Variants in IL1RL1 observed in about 807,000 individuals in gnomAD.
The protein encoded by IL1RL1 is interleukin-1 receptor-like 1.
In IL1RL1, 32 loss-of-function variants were observed where a neutral mutation model predicts 50.9. That is an observed-to-expected ratio of 0.63 (90% CI 0.47 to 0.84). The LOEUF is 0.84. Among genes scored for constraint, IL1RL1 ranks in the 40% least tolerant of loss-of-function variants. IL1RL1 has a pLI of 0.00. For synonymous variants in IL1RL1, 275 were observed against 236.0 expected, an observed-to-expected ratio of 1.17 and a Z score of -1.51; for missense variants, 773 against 662.9, an observed-to-expected ratio of 1.17 and a Z score of -1.82.
intron 1 of IL1RL1, among the ~76,000 whole-genome samples, 171 bp downstream of exon 1, chr2:102,311,794 C>T (rs1481716589): frequency 2.8e-4 from 24 of 87,130 alleles, no homozygotes; most frequent in Non-Finnish European, 4.8e-4. Context: ...AACATTATAA[C>T]AATTATATAT....
intron 1 of IL1RL1, among the ~76,000 whole-genome samples, chr2:102,323,066 A>T (rs1044711203): frequency 2.2e-4 from 33 of 152,120 alleles, no homozygotes; most frequent in African/African-American, 7.2e-4. Context: ...AGTTTACATT[A>T]AAAAAAGGAT....
chr2:102,335,962 A>C (rs1387741768), intron 1 of IL1RL1, among the ~76,000 whole-genome samples: 2 of 152,182 alleles, frequency 1.3e-5, no homozygotes, highest in African/African-American at 4.8e-5. Flanking sequence ...TTTACGGCGA[A>C]CATCTCATGG....
chr2:102,347,634 C>A (rs994814922), intron 8 of IL1RL1, among the ~76,000 whole-genome samples: 1 of 152,216 alleles, frequency 6.6e-6, no homozygotes, highest in East Asian at 1.9e-4. Flanking sequence ...CTTTCCCAGT[C>A]CTGCATGGAG....
At chr2:102,344,044 G>A in intron 8 of IL1RL1, 1 of 371,316 alleles carries the variant, frequency 2.7e-6, no homozygotes, top group Non-Finnish European at 3.7e-6. Context: ...GGCTGTATGG[G>A]AAGCATGGCG....
At position 102,349,251 on chromosome 2, in the gene IL1RL1, AG is replaced by A. The variant is rs1414530689; in HGVS notation, c.1285+6del. 1 of 1,611,794 alleles carries A rather than the reference AG, an allele frequency of 6.2e-7. No homozygotes were observed. The highest frequency in any genetic ancestry group is 1.7e-5 in the Admixed American group (1 of 60,014). ...GAGATATGCTACCTGGAGAAGGTAAAGCTATTGACATACATTAGGGACAGAA... is the reference window on the plus strand; with the variant it reads ...GAGATATGCTACCTGGAGAAGGTAAACTATTGACATACATTAGGGACAGAA... On this transcript the variant is annotated splice_donor_region_variant and intron_variant, in intron 10 of 10. Coordinates refer to ENST00000233954, the MANE Select transcript of IL1RL1 (RefSeq NM_016232.5).
chr2:102,342,092 T>A, intron 5 of IL1RL1, 131 bp from the exon 6 acceptor site: 1 of 574,322 alleles, frequency 1.7e-6, no homozygotes, highest in Non-Finnish European at 3.1e-6. Flanking sequence ...TGTGTGTTTG[T>A]CATTATGGGT....
intron 1 of IL1RL1, among the ~76,000 whole-genome samples, chr2:102,320,004 T>C (rs2104962634): frequency 6.6e-6 from 1 of 152,366 alleles, no homozygotes; most frequent in Non-Finnish European, 1.5e-5. Flanking sequence ...TTTTGCTTTG[T>C]TATTTTAAAA....
chr2:102,317,115 G>T (rs576528841), intron 1 of IL1RL1, among the ~76,000 whole-genome samples: 1 of 152,138 alleles, frequency 6.6e-6, no homozygotes, highest in Non-Finnish European at 1.5e-5. Context: ...AGCACTTTGG[G>T]AGGCCGAGGC....
At position 102,351,715 on chromosome 2, in the gene IL1RL1, G is replaced by C. The variant is rs778804217; in HGVS notation, c.1465G>C (p.Asp489His). 15 of 1,613,998 alleles carry C rather than the reference G, an allele frequency of 9.3e-6. No homozygotes were observed. The Admixed American group carries it at 1.3e-4, about 14-fold the overall frequency. The change falls in exon 11 of 11, where the codon GAC (aspartate) becomes CAC (histidine). Residue 489 changes from aspartate to histidine, a missense_variant. Physicochemically the swap from Asp to His is moderately conservative, Grantham distance 81. Coordinates refer to ENST00000233954, the MANE Select transcript of IL1RL1 (RefSeq NM_016232.5). ...LIEMEALSEL[D>H]MLQAEALQDS... The stretch of plus-strand genomic sequence containing the variant: ...TGAGATGGAGGCTCTGAGCGAGCTG[G>C]ACATGCTGCAGGCTGAGGCGCTTCA...
Position 102,323,247 on chromosome 2 carries a change from T to TTATATATA in IL1RL1, c.-150+11643_-150+11650dup, listed in dbSNP as rs371889389. ...ATGTTCTTTAACTTTTTGTTAGGTT[T>TTATATATA]TATATATATATATATATATATATAT... On this transcript the variant is annotated intron_variant, in intron 1 of 10. Coordinates refer to ENST00000233954, the MANE Select transcript of IL1RL1 (RefSeq NM_016232.5). Among the ~76,000 whole-genome samples the TTATATATA allele has an allele frequency of 1.5e-3, 151 of 98,670 alleles. 2 individuals carry two copies. The highest frequency in any genetic ancestry group is 3.9e-3 in the African/African-American group (103 of 26,678). The allele number at this position is 98,670 out of a possible 152,430, so 64.7% of individuals were successfully genotyped here.
At chr2:102,327,164 A>G (rs1677033004) in intron 1 of IL1RL1, among the ~76,000 whole-genome samples, 1 of 152,258 alleles carries the variant, frequency 6.6e-6, no homozygotes, top group Non-Finnish European at 1.5e-5. Flanking sequence ...CTCTTAGACC[A>G]CAGTGCAATC....
intron 8 of IL1RL1, chr2:102,344,909 TATC>T: frequency 2.1e-6 from 2 of 971,646 alleles, no homozygotes; most frequent in Non-Finnish European, 2.4e-6. Context: ...ATTTTAATGA[TATC>T]ATTATAATTT....
intron 8 of IL1RL1, chr2:102,344,421 A>G (rs1677706604): frequency 1.1e-6 from 1 of 895,788 alleles, no homozygotes; most frequent in Non-Finnish European, 1.3e-6. Context: ...AGCTCAGCCC[A>G]TTTCTTTATT....
Position 102,338,169 on chromosome 2 carries a change from C to T in IL1RL1, c.-96C>T, listed in dbSNP as rs558006340. 2.0e-4 allele frequency: 143 copies of T among 712,628 alleles called. No homozygotes were observed. Among genetic ancestry groups the T allele is most frequent in the Non-Finnish European group, 2.9e-4 (118 of 405,944 alleles). 44.1% of individuals were successfully genotyped at this position (712,628 alleles called of 1,614,324 possible). On this transcript the variant is annotated 5_prime_UTR_variant, in exon 2 of 11. Coordinates refer to ENST00000233954, the MANE Select transcript of IL1RL1 (RefSeq NM_016232.5). Reference sequence around the variant, plus strand: ...AGTCTTGAAGAGTATCACCAACTGCCTCATGTGTGGTGACCTTCACTGTCG... The same window carrying T: ...AGTCTTGAAGAGTATCACCAACTGCTTCATGTGTGGTGACCTTCACTGTCG...
At chr2:102,340,604 T>C in intron 4 of IL1RL1, 62 bp from the exon 5 acceptor site, 1 of 1,524,250 alleles carries the variant, frequency 6.6e-7, no homozygotes, top group Non-Finnish European at 8.9e-7. Context: ...AAACATTCTG[T>C]CAACAGATAA....
intron 5 of IL1RL1, chr2:102,341,100 G>A (rs973210933): frequency 3.3e-5 from 27 of 824,010 alleles, no homozygotes; most frequent in Non-Finnish European, 7.9e-6. Context: ...CAAAGATAAA[G>A]CAATCTGAAT....
At chr2:102,348,805 A>C (rs1677850616) in intron 9 of IL1RL1, among the ~76,000 whole-genome samples, 1 of 152,208 alleles carries the variant, frequency 6.6e-6, no homozygotes, top group African/African-American at 2.4e-5. Flanking sequence ...ATAGATTATT[A>C]ATCAAAATTG....
chr2:102,339,013 G>T lies in IL1RL1; in HGVS notation c.238G>T (p.Ala80Ser). The T allele has an allele frequency of 6.2e-7, 1 of 1,613,702 alleles. No individual in the cohort carries two copies. Among genetic ancestry groups the T allele is most frequent in the South Asian group, 1.1e-5 (1 of 91,076 alleles). ...QLLKFLPAAV[A>S]DSGIYTCIVR... ...TCTGAAGTTTCTACCAGCTGCAGTT[G>T]CTGATTCTGGTATTTATACCTGTAT... Residue 80 changes from alanine (A) to serine (S), a missense_variant, in exon 3 of 11, where the codon GCT becomes TCT. Transcript: ENST00000233954.
chr2:102,346,330 A>G, intron 8 of IL1RL1, among the ~76,000 whole-genome samples: 1 of 152,242 alleles, frequency 6.6e-6, no homozygotes, highest in East Asian at 1.9e-4. Flanking sequence ...TTCAAAGTAA[A>G]AGACAAAGAA....
Sources: gnomAD v4.1 joint callset for allele counts (sites outside exome capture counted in the v4.1 genomes callset) on GRCh38, gnomAD v4.1.1 for gene constraint, MANE v1.5 for transcripts, NCBI Gene and HGNC (gene_info 2026-07-23, HGNC 2026-07-21) for gene names.